Variants in CPTP observed in about 807,000 individuals in gnomAD.
CPTP encodes the protein ceramide-1-phosphate transfer protein, also known as GLTP domain-containing protein 1.
Under a neutral mutation model 5.7 loss-of-function variants are expected in CPTP, and 5 were observed. The ratio of observed to expected loss-of-function variants is 0.88; its 90% confidence interval spans 0.46 to 1.86. The LOEUF is 1.86. Ranked by LOEUF, CPTP falls within the 40% of genes most tolerant of loss-of-function variation. CPTP has a pLI of 0.01. For synonymous variants in CPTP, 166 were observed against 142.7 expected (o/e 1.16, Z -1.16); for missense variants, 335 against 306.5 (o/e 1.09, Z -0.69).
chr1:1,327,947 G>A lies in CPTP; in HGVS notation c.*184G>A, dbSNP rs1230399249. 1 of 678,952 alleles carries A rather than the reference G, an allele frequency of 1.5e-6. No individual in the cohort carries two copies. The highest frequency in any genetic ancestry group is 1.8e-5 in the African/African-American group (1 of 55,272). 42.1% of individuals were successfully genotyped at this position (678,952 alleles called of 1,614,324 possible). On this transcript the variant is annotated 3_prime_UTR_variant, in exon 3 of 3. Coordinates refer to ENST00000343938, the MANE Select transcript of CPTP (RefSeq NM_001029885.2). ...AGAGAAGGTGGCGACCAGCCCAGAA[G>A]AGGCCCACCCTCTCGGTCCGGAACA...
chr1:1,327,915 C>T lies in CPTP; in HGVS notation c.*152C>T. On this transcript the variant is annotated 3_prime_UTR_variant, in exon 3 of 3. Coordinates refer to ENST00000343938, the MANE Select transcript of CPTP (RefSeq NM_001029885.2). The stretch of plus-strand genomic sequence containing the variant: ...AGCTGAGCTGGTTAGGAACCACAGA[C>T]TGTGACAGAGAAGGTGGCGACCAGC... The T allele has an allele frequency of 3.4e-6, 3 of 877,428 alleles. No individual in the cohort carries two copies. Among genetic ancestry groups the T allele is most frequent in the African/African-American group, 1.7e-5 (1 of 59,332 alleles). The allele number at this position is 877,428 out of a possible 1,614,324, so 54.4% of individuals were successfully genotyped here.
chr1:1,327,761 T>A lies in CPTP; in HGVS notation c.643T>A (p.Ter215LysextTer44). ...YAEHSLLDLP[*>K] is the part of the protein sequence containing the mutation. ...CGAGCACTCCCTGCTGGACCTGCCC[T>A]AGGGGCGGGAAGCCAGGGCCGCACC... Residue 215 changes from the stop codon to lysine (K), a stop_lost, in exon 3 of 3, where the codon TAG becomes AAG. Transcript: ENST00000343938. 1 of 1,611,440 alleles carries A rather than the reference T, an allele frequency of 6.2e-7. No homozygotes were observed. Among genetic ancestry groups the A allele is most frequent in the African/African-American group, 1.3e-5 (1 of 75,072 alleles).
At chr1:1,326,595 G>T (rs1045159362) in intron 1 of CPTP, among the ~76,000 whole-genome samples, 1 of 152,352 alleles carries the variant, frequency 6.6e-6, no homozygotes, top group South Asian at 2.1e-4. Flanking sequence ...TAAAGCCAGA[G>T]GGGGCCACTC....
chr1:1,327,455 C>G lies in CPTP; in HGVS notation c.337C>G (p.Arg113Gly), dbSNP rs780495616. The change falls in exon 3 of 3, where the codon CGC (arginine) becomes GGC (glycine). Residue 113 changes from arginine (R) to glycine (G), a missense_variant. By Grantham distance (125) the Arg-to-Gly change is moderately radical (BLOSUM62 -2). Transcript: ENST00000343938. ...SGCRTVLRLHRALHWLQLFLE... is the reference protein window; with the variant it reads ...SGCRTVLRLHGALHWLQLFLE... ...CTGCCGGACGGTGCTGCGCCTGCAC[C>G]GCGCCCTGCACTGGCTGCAGCTGTT... 6.4e-7 allele frequency: 1 copy of G among 1,573,700 alleles called. No homozygotes were observed. The highest frequency in any genetic ancestry group is 1.3e-5 in the African/African-American group (1 of 74,264).
In CPTP at chr1:1,327,999, G is replaced by A. The variant is rs1421356892; in HGVS notation, c.*236G>A. ...GACGCCTCGGCCACGGCTCCCCCTC[G>A]GCCTATTACACGCGTGCGCAGCCAG... On this transcript the variant is annotated 3_prime_UTR_variant, in exon 3 of 3. Transcript: ENST00000343938. The A allele has an allele frequency of 2.2e-5, 13 of 593,296 alleles. No homozygotes were observed. The highest frequency in any genetic ancestry group is 5.6e-5 in the African/African-American group (3 of 53,648). 36.8% of individuals were successfully genotyped at this position (593,296 alleles called of 1,614,324 possible). A position where few individuals can be genotyped will look rare whatever the true frequency, so the allele number is the denominator to read the frequency against.
Position 1,328,226 on chromosome 1 carries a change from G to A in CPTP, c.*463G>A, listed in dbSNP as rs564154392. On this transcript the variant is annotated 3_prime_UTR_variant, in exon 3 of 3. Coordinates refer to ENST00000343938, the MANE Select transcript of CPTP (RefSeq NM_001029885.2). ...ATCTCAGGCCCGTGCCTGGGACCCC[G>A]TGTCTGCCCAGGTGGGCAGCCTTGA... The A allele has an allele frequency of 1.0e-5, 2 of 194,346 alleles. No individual in the cohort carries two copies. Among genetic ancestry groups the A allele is most frequent in the South Asian group, 9.2e-5 (1 of 10,898 alleles). 12.0% of individuals were successfully genotyped at this position (194,346 alleles called of 1,614,324 possible).
chr1:1,327,001 C>T lies in CPTP; in HGVS notation c.91C>T (p.Pro31Ser), dbSNP rs763355350. The T allele has an allele frequency of 1.9e-6, 3 of 1,613,494 alleles. No individual in the cohort carries two copies. Among genetic ancestry groups the T allele is most frequent in the Admixed American group, 3.3e-5 (2 of 60,022 alleles). Residue 31 changes from proline to serine, a missense_variant, in exon 2 of 3, where the codon CCC becomes TCC. Transcript: ENST00000343938. Reference protein sequence around the residue: ...LDEKEEVLLDPYIASWKGLVR... With the variant: ...LDEKEEVLLDSYIASWKGLVR... ...TGAGAAGGAAGAGGTCTTGCTGGACCCCTACATTGCCAGCTGGAAGGGCCT... is the reference window on the plus strand; with the variant it reads ...TGAGAAGGAAGAGGTCTTGCTGGACTCCTACATTGCCAGCTGGAAGGGCCT...
Position 1,324,925 on chromosome 1 carries a change from G to A in CPTP, c.-253G>A, listed in dbSNP as rs1012731534. On this transcript the variant is annotated 5_prime_UTR_variant, in exon 1 of 3. Coordinates refer to ENST00000343938, the MANE Select transcript of CPTP (RefSeq NM_001029885.2). ...GGGAGCGGGAGGGGACGTCGTCCTA[G>A]AGGGCCGGAGCGGGCGGGCGGCCGA... 46 of 336,790 alleles carry A rather than the reference G, an allele frequency of 1.4e-4. No homozygotes were observed. Among genetic ancestry groups the A allele is most frequent in the Middle Eastern group, 1.7e-3 (2 of 1,210 alleles). 20.9% of individuals were successfully genotyped at this position (336,790 alleles called of 1,614,324 possible).
chr1:1,326,282 T>C (rs935330533), intron 1 of CPTP, among the ~76,000 whole-genome samples: 3 of 152,172 alleles, frequency 2.0e-5, no homozygotes, highest in Admixed American at 2.0e-4. Flanking sequence ...GTGAGGAAGA[T>C]GGGGCAGCCT....
At position 1,327,492 on chromosome 1, in the gene CPTP, T is replaced by C. The variant is rs1643334163; in HGVS notation, c.374T>C (p.Leu125Pro). 6 of 1,572,250 alleles carry C rather than the reference T, an allele frequency of 3.8e-6. No individual in the cohort carries two copies. Among genetic ancestry groups the C allele is most frequent in the Non-Finnish European group, 5.2e-6 (6 of 1,163,688 alleles). ...TGGCTGCAGCTGTTCCTGGAGGGCC[T>C]GCGTACCAGCCCCGAGGACGCACGC... ...LHWLQLFLEG[L>P]RTSPEDARTS... Residue 125 changes from leucine to proline, a missense_variant, in exon 3 of 3, where the codon CTG (leucine) becomes CCG (proline). Transcript: ENST00000343938.
rs1385737556 is a variant in CPTP, at chr1:1,327,413, C to T, written c.295C>T (p.His99Tyr). The T allele has an allele frequency of 9.4e-6, 15 of 1,591,034 alleles. No homozygotes were observed. The highest frequency in any genetic ancestry group is 1.2e-5 in the Non-Finnish European group (14 of 1,175,098). ...NRLVDLERRS[H>Y]HPESGCRTVL... Reference sequence around the variant, plus strand: ...GCTGGTGGACCTGGAGCGCCGCTCCCACCACCCGGAGTCTGGCTGCCGGAC... The same window carrying T: ...GCTGGTGGACCTGGAGCGCCGCTCCTACCACCCGGAGTCTGGCTGCCGGAC... Residue 99 changes from histidine to tyrosine, a missense_variant, in exon 3 of 3, where the codon CAC becomes TAC. By Grantham distance (83) the His-to-Tyr change is moderately conservative (BLOSUM62 2). Coordinates refer to ENST00000343938, the MANE Select transcript of CPTP (RefSeq NM_001029885.2).
chr1:1,327,174 G>C, intron 2 of CPTP, 67 bp from the exon 3 acceptor site: 1 of 1,584,570 alleles, frequency 6.3e-7, no homozygotes, highest in Non-Finnish European at 8.5e-7. Context: ...GCTGGGCAGC[G>C]TCCCCTGCAC....
At chr1:1,327,106 G>A (rs1216959723) in intron 2 of CPTP, 74 bp downstream of exon 2, 25 of 1,597,198 alleles carry the variant, frequency 1.6e-5, no homozygotes, top group East Asian at 1.3e-4. Context: ...TCTGCCTCCC[G>A]ACTGCCTGTC....
rs527357940 is a variant in CPTP at position 1,328,016 on chromosome 1, C to T, written c.*253C>T. 6.3e-5 allele frequency: 36 copies of T among 569,138 alleles called. No individual in the cohort carries two copies. Among genetic ancestry groups the T allele is most frequent in the East Asian group, 3.6e-4 (12 of 33,504 alleles). 35.3% of individuals were successfully genotyped at this position (569,138 alleles called of 1,614,324 possible). A position where few individuals can be genotyped will look rare whatever the true frequency, so the allele number is the denominator to read the frequency against. ...TCCCCCTCGGCCTATTACACGCGTGCGCAGCCAGGCCTCGCCAGGGTGCGG... is the reference window on the plus strand; with the variant it reads ...TCCCCCTCGGCCTATTACACGCGTGTGCAGCCAGGCCTCGCCAGGGTGCGG... On this transcript the variant is annotated 3_prime_UTR_variant, in exon 3 of 3. Transcript: ENST00000343938.
rs1376915255 is a variant in CPTP, at chr1:1,328,880, G to A, written c.*1117G>A. On this transcript the variant is annotated 3_prime_UTR_variant, in exon 3 of 3. Coordinates refer to ENST00000343938, the MANE Select transcript of CPTP (RefSeq NM_001029885.2). ...AATAAATCACACAGCCTCCCAGGAGGGAGACGCTGGGGTGCACTGGGTGCC... is the reference window on the plus strand; with the variant it reads ...AATAAATCACACAGCCTCCCAGGAGAGAGACGCTGGGGTGCACTGGGTGCC... The A allele has an allele frequency of 3.3e-5, 5 of 152,260 alleles. No individual in the cohort carries two copies. Among genetic ancestry groups the A allele is most frequent in the African/African-American group, 7.2e-5 (3 of 41,454 alleles). 9.4% of individuals were successfully genotyped at this position (152,260 alleles called of 1,614,324 possible). A position where few individuals can be genotyped will look rare whatever the true frequency, so the allele number is the denominator to read the frequency against.
chr1:1,327,639 C>A lies in CPTP; in HGVS notation c.521C>A (p.Ala174Asp), dbSNP rs778794680. ...CCCACACGCGAGGTCTTCCTGGAGGCCATGAACGTGGGGCCCCCGGAGCAG... is the reference window on the plus strand; with the variant it reads ...CCCACACGCGAGGTCTTCCTGGAGGACATGAACGTGGGGCCCCCGGAGCAG... ...TLPTREVFLE[A>D]MNVGPPEQAV... The change falls in exon 3 of 3, where the codon GCC (alanine) becomes GAC (aspartate). Residue 174 changes from alanine to aspartate, a missense_variant. Transcript: ENST00000343938. The A allele has an allele frequency of 5.0e-6, 8 of 1,612,570 alleles. No individual in the cohort carries two copies. In the African/African-American group the frequency reaches 1.1e-4, roughly 22 times the overall value.
At position 1,327,934 on chromosome 1, in the gene CPTP, G is replaced by T; in HGVS notation, c.*171G>T. On this transcript the variant is annotated 3_prime_UTR_variant, in exon 3 of 3. Coordinates refer to ENST00000343938, the MANE Select transcript of CPTP (RefSeq NM_001029885.2). Reference sequence around the variant, plus strand: ...CACAGACTGTGACAGAGAAGGTGGCGACCAGCCCAGAAGAGGCCCACCCTC... The same window carrying T: ...CACAGACTGTGACAGAGAAGGTGGCTACCAGCCCAGAAGAGGCCCACCCTC... The T allele has an allele frequency of 1.3e-6, 1 of 749,550 alleles. No individual in the cohort carries two copies. Among genetic ancestry groups the T allele is most frequent in the South Asian group, 1.8e-5 (1 of 54,824 alleles). The allele number at this position is 749,550 out of a possible 1,614,324, so 46.4% of individuals were successfully genotyped here.
Position 1,327,692 on chromosome 1 carries a change from C to G in CPTP, c.574C>G (p.Pro192Ala). Residue 192 changes from proline (P) to alanine (A), a missense_variant, in exon 3 of 3, where the codon CCC becomes GCC. Transcript: ENST00000343938. ...CGTGCAGATGCTAGGCGAGGCCCTCCCCTTCATCCAGCGTGTCTACAACGT... is the reference window on the plus strand; with the variant it reads ...CGTGCAGATGCTAGGCGAGGCCCTCGCCTTCATCCAGCGTGTCTACAACGT... ...QAVQMLGEAL[P>A]FIQRVYNVSQ... 1 of 1,612,778 alleles carries G rather than the reference C, an allele frequency of 6.2e-7. No homozygotes were observed. Among genetic ancestry groups the G allele is most frequent in the Non-Finnish European group, 8.5e-7 (1 of 1,179,924 alleles).
At chr1:1,326,554 C>G (rs1164762590) in intron 1 of CPTP, among the ~76,000 whole-genome samples, 3 of 152,220 alleles carry the variant, frequency 2.0e-5, no homozygotes. Flanking sequence ...GCAGAGACAC[C>G]TGCTGCAGAC....
Sources: gnomAD v4.1 joint callset for allele counts (sites outside exome capture counted in the v4.1 genomes callset) on GRCh38, gnomAD v4.1.1 for gene constraint, MANE v1.5 for transcripts, NCBI Gene and HGNC (gene_info 2026-07-23, HGNC 2026-07-21) for gene names.